The following CNTNAP2 variants were observed in gnomAD, a reference collection of about 807,000 sequenced individuals.
CNTNAP2 encodes the protein contactin-associated protein-like 2.
A neutral mutation model predicts 155.2 loss-of-function variants in CNTNAP2; 98 were observed. The ratio of observed to expected loss-of-function variants is 0.63; its 90% CI spans 0.54 to 0.75. The LOEUF (loss-of-function observed/expected upper bound fraction) is 0.75, where lower values mean the gene tolerates loss of function less well. Among genes scored for constraint, CNTNAP2 ranks in the 30% least tolerant of loss-of-function variants. CNTNAP2 has a pLI of 0.00. For synonymous variants in CNTNAP2, 651 were observed against 631.2 expected (o/e 1.03, Z -0.47); for missense variants, 1,727 against 1,688.1 (o/e 1.02, Z -0.40).
At position 148,228,447 on chromosome 7, in the gene CNTNAP2, G is replaced by A. The variant is rs556207439; in HGVS notation, c.3248-1199G>A. 3.3e-5 allele frequency among the ~76,000 whole-genome samples: 5 copies of A among 152,252 alleles called. No individual in the cohort carries two copies. The South Asian group carries it at 1.0e-3, about 32-fold the overall frequency. ...GGGACCAGGGAAAGCCATCTTTCCTGTTGATTTGCATTTGATTAGTCTGTA... is the reference window on the plus strand; with the variant it reads ...GGGACCAGGGAAAGCCATCTTTCCTATTGATTTGCATTTGATTAGTCTGTA... On this transcript the variant is annotated intron_variant, in intron 19 of 23. Transcript: ENST00000361727.
At chr7:146,275,029 A>G (rs1800142410) in intron 1 of CNTNAP2, among the ~76,000 whole-genome samples, 1 of 152,140 alleles carries the variant, frequency 6.6e-6, no homozygotes, top group East Asian at 1.9e-4. Context: ...TATAGTTTTA[A>G]ATCCCAGGCT....
intron 13 of CNTNAP2, among the ~76,000 whole-genome samples, chr7:147,696,793 A>T (rs893041448): frequency 2.0e-5 from 3 of 148,280 alleles, no homozygotes; most frequent in Admixed American, 2.0e-4. Context: ...AGGTTGGCTG[A>T]TTTTTTTTTT....
intron 1 of CNTNAP2, among the ~76,000 whole-genome samples, chr7:146,525,888 C>T (rs1797684952): frequency 6.6e-6 from 1 of 152,104 alleles, no homozygotes; most frequent in African/African-American, 2.4e-5. Flanking sequence ...ATAAATGTGA[C>T]ACAAATCCAG....
At chr7:147,620,558 G>A (rs10262313) in intron 12 of CNTNAP2, among the ~76,000 whole-genome samples, 3,063 of 150,684 alleles carry the variant, frequency 0.02, 112 homozygotes, top group African/African-American at 0.07. Context: ...GAATTAAAAA[G>A]AATCAAGCAG....
intron 2 of CNTNAP2, among the ~76,000 whole-genome samples, chr7:146,798,032 G>T (rs918619803): frequency 6.6e-6 from 1 of 152,128 alleles, no homozygotes; most frequent in African/African-American, 2.4e-5. Flanking sequence ...CCAGCACTTT[G>T]GGAGGCTGAG....
At chr7:148,058,016 C>T (rs1213263174) in intron 15 of CNTNAP2, among the ~76,000 whole-genome samples, 2 of 150,156 alleles carry the variant, frequency 1.3e-5, no homozygotes, top group Non-Finnish European at 3.0e-5. Flanking sequence ...ACAAAGTGAA[C>T]TGAGGTCCCA....
At chr7:148,346,699 G>A (rs1349605179) in intron 21 of CNTNAP2, among the ~76,000 whole-genome samples, 1 of 151,514 alleles carries the variant, frequency 6.6e-6, no homozygotes, top group Non-Finnish European at 1.5e-5. Context: ...TTGAACCTGG[G>A]AGGCGGAGGT....
intron 16 of CNTNAP2, among the ~76,000 whole-genome samples, chr7:148,120,812 G>C (rs151034548): frequency 6.6e-6 from 1 of 152,238 alleles, no homozygotes; most frequent in East Asian, 1.9e-4. Context: ...AGGGTGGAAA[G>C]ACATTTTCAC....
intron 4 of CNTNAP2, among the ~76,000 whole-genome samples, chr7:147,064,280 C>T (rs1279282951): frequency 6.6e-6 from 1 of 152,102 alleles, no homozygotes; most frequent in Non-Finnish European, 1.5e-5. Context: ...ATTGATATAT[C>T]AGAATTCTTA....
chr7:148,340,424 C>T (rs1798207963), intron 21 of CNTNAP2, among the ~76,000 whole-genome samples: 1 of 152,186 alleles, frequency 6.6e-6, no homozygotes, highest in Non-Finnish European at 1.5e-5. Flanking sequence ...AAAATAGCAT[C>T]AAATTGCTTG....
At chr7:146,661,042 C>T (rs1800078607) in intron 1 of CNTNAP2, among the ~76,000 whole-genome samples, 1 of 152,190 alleles carries the variant, frequency 6.6e-6, no homozygotes, top group South Asian at 2.1e-4. Flanking sequence ...TTCAGCAGCT[C>T]TGATCGGCTT....
chr7:146,954,742 C>T (rs1797398412), intron 3 of CNTNAP2, among the ~76,000 whole-genome samples: 2 of 151,674 alleles, frequency 1.3e-5, no homozygotes, highest in African/African-American at 4.8e-5. Context: ...AAATGTTATA[C>T]TCTCTTACAC....
intron 15 of CNTNAP2, among the ~76,000 whole-genome samples, chr7:147,992,277 A>C (rs998788726): frequency 3.3e-5 from 5 of 151,422 alleles, no homozygotes; most frequent in Admixed American, 6.6e-5. Flanking sequence ...ACGCCCAGTT[A>C]ATTTTTGTAT....
At position 147,476,798 on chromosome 7, in the gene CNTNAP2, G is replaced by A. The variant is rs1798328326; in HGVS notation, c.1671-9137G>A. Among the ~76,000 whole-genome samples the A allele has an allele frequency of 2.6e-5, 4 of 151,990 alleles. No individual in the cohort carries two copies. The South Asian group carries it at 8.3e-4, about 32-fold the overall frequency. On this transcript the variant is annotated intron_variant, in intron 10 of 23. Coordinates refer to ENST00000361727, the MANE Select transcript of CNTNAP2 (RefSeq NM_014141.6). Reference sequence around the variant, plus strand: ...CAAAAATTAGCCAGGTGTGGTGGCAGGCACCTGTAATCCCAGCTACTCAGG... The same window carrying A: ...CAAAAATTAGCCAGGTGTGGTGGCAAGCACCTGTAATCCCAGCTACTCAGG...
chr7:147,610,243 C>T (rs1801156330), intron 12 of CNTNAP2, among the ~76,000 whole-genome samples: 2 of 152,120 alleles, frequency 1.3e-5, no homozygotes, highest in African/African-American at 4.8e-5. Flanking sequence ...GACCCGTCAA[C>T]TTTTTCCACT....
chr7:147,771,998 T>C (rs1349904245), intron 13 of CNTNAP2, among the ~76,000 whole-genome samples: 1 of 152,138 alleles, frequency 6.6e-6, no homozygotes, highest in Non-Finnish European at 1.5e-5. Context: ...GATTCCCTTT[T>C]TCATAAAGAC....
At chr7:148,305,687 A>G (rs1797479287) in intron 21 of CNTNAP2, among the ~76,000 whole-genome samples, 3 of 152,204 alleles carry the variant, frequency 2.0e-5, no homozygotes, top group South Asian at 2.1e-4. Context: ...GATCTGCCAC[A>G]TACTTTTAAA....
intron 17 of CNTNAP2, among the ~76,000 whole-genome samples, chr7:148,148,605 C>T (rs923640354): frequency 1.3e-5 from 2 of 152,250 alleles, no homozygotes; most frequent in Non-Finnish European, 2.9e-5. Context: ...ATATTCATAA[C>T]ACCTGCCACT....
At chr7:148,017,996 G>A (rs907844996) in intron 15 of CNTNAP2, among the ~76,000 whole-genome samples, 2 of 152,176 alleles carry the variant, frequency 1.3e-5, no homozygotes, top group East Asian at 3.9e-4. Context: ...AACACAAAAC[G>A]CTTTCTGTTA....
Sources: allele counts gnomAD v4.1 joint callset (sites outside exome capture counted in the v4.1 genomes callset), GRCh38; gene constraint gnomAD v4.1.1; transcripts MANE v1.5; gene names NCBI Gene and HGNC (gene_info 2026-07-23, HGNC 2026-07-21).